Variants in NOS1AP observed in about 807,000 individuals in gnomAD.
NOS1AP encodes carboxyl-terminal PDZ ligand of neuronal nitric oxide synthase protein.
Under a neutral mutation model 56.2 loss-of-function variants are expected in NOS1AP, and 21 were observed. The observed-to-expected ratio is 0.37, with a 90% CI of 0.26 to 0.54. The LOEUF (loss-of-function observed/expected upper bound fraction) is 0.54, where lower values mean the gene tolerates loss of function less well. NOS1AP is among the 20% of genes least tolerant of loss of function. NOS1AP has a pLI of 0.84. For missense variants in NOS1AP, 522 were observed against 657.8 expected, an observed-to-expected ratio of 0.79 and a Z score of 2.26; for synonymous variants, 270 against 274.6, an observed-to-expected ratio of 0.98 and a Z score of 0.17.
intron 2 of NOS1AP, among the ~76,000 whole-genome samples, chr1:162,197,952 G>A (rs76923135): frequency 0.034 from 5,241 of 152,336 alleles, 132 homozygotes; most frequent in Non-Finnish European, 0.049. Flanking sequence ...AAGGAGGTAT[G>A]AGGAGGGCAG....
intron 1 of NOS1AP, among the ~76,000 whole-genome samples, chr1:162,071,024 A>T (rs1266051915): frequency 6.6e-6 from 1 of 152,144 alleles, no homozygotes; most frequent in Non-Finnish European, 1.5e-5. Flanking sequence ...CTGGACCATC[A>T]GGTGTGAGCA....
chr1:162,193,859 T>A (rs1180437478), intron 2 of NOS1AP, among the ~76,000 whole-genome samples: 1 of 152,164 alleles, frequency 6.6e-6, no homozygotes, highest in Non-Finnish European at 1.5e-5. Context: ...CATCTCTAGA[T>A]GGGTGTTTCT....
chr1:162,119,560 T>G (rs535689505), intron 1 of NOS1AP, among the ~76,000 whole-genome samples: 2 of 152,320 alleles, frequency 1.3e-5, no homozygotes, highest in South Asian at 4.2e-4. Context: ...GTACTGCTGC[T>G]ATTCTTTTTT....
intron 2 of NOS1AP, among the ~76,000 whole-genome samples, chr1:162,176,707 C>T (rs1651074621): frequency 6.6e-6 from 1 of 152,054 alleles, no homozygotes; most frequent in Non-Finnish European, 1.5e-5. Context: ...CAGGGTTTCA[C>T]CACATTGGCC....
chr1:162,185,466 A>T (rs1557824454), intron 2 of NOS1AP, among the ~76,000 whole-genome samples: 1 of 152,234 alleles, frequency 6.6e-6, no homozygotes, highest in Non-Finnish European at 1.5e-5. Flanking sequence ...CAATAATCTG[A>T]TGCCTTGAAG....
chr1:162,212,368 G>T (rs567993310), intron 2 of NOS1AP, among the ~76,000 whole-genome samples: 1 of 152,176 alleles, frequency 6.6e-6, no homozygotes, highest in Non-Finnish European at 1.5e-5. Flanking sequence ...TGGGTGCTGG[G>T]CTATAGTGGT....
chr1:162,255,132 G>C (rs1190369581), intron 2 of NOS1AP, among the ~76,000 whole-genome samples: 1 of 152,010 alleles, frequency 6.6e-6, no homozygotes, highest in East Asian at 1.9e-4. Context: ...TGCGGAGTCA[G>C]GAGAGTTAAT....
intron 2 of NOS1AP, among the ~76,000 whole-genome samples, chr1:162,271,188 T>C (rs1654573552): frequency 1.3e-5 from 2 of 150,606 alleles, no homozygotes; most frequent in Admixed American, 1.3e-4. Context: ...AACACCCCAG[T>C]ATGATCCTTA....
intron 1 of NOS1AP, among the ~76,000 whole-genome samples, chr1:162,081,667 C>A (rs892939720): frequency 1.3e-5 from 2 of 148,838 alleles, no homozygotes; most frequent in African/African-American, 4.9e-5. Context: ...CCCAGCTCAG[C>A]CTTTCAAGTA....
chr1:162,273,211 T>C (rs996850656), intron 2 of NOS1AP, among the ~76,000 whole-genome samples: 2 of 139,282 alleles, frequency 1.4e-5, no homozygotes, highest in African/African-American at 5.2e-5. Context: ...TAGCCCCGAC[T>C]GGAGTGCAGT....
chr1:162,071,152 G>A (rs974608102), intron 1 of NOS1AP, among the ~76,000 whole-genome samples: 1 of 152,148 alleles, frequency 6.6e-6, no homozygotes, highest in African/African-American at 2.4e-5. Context: ...ACAGTGTTCT[G>A]CTCTTCCTTC....
intron 2 of NOS1AP, among the ~76,000 whole-genome samples, chr1:162,215,865 C>T (rs1353058289): frequency 1.3e-5 from 2 of 152,236 alleles, no homozygotes; most frequent in African/African-American, 4.8e-5. Context: ...AATGATAACC[C>T]ATGATCTTAC....
At chr1:162,309,128 ATAGAG>A (rs1557872576) in intron 4 of NOS1AP, among the ~76,000 whole-genome samples, 1 of 152,268 alleles carries the variant, frequency 6.6e-6, no homozygotes, top group East Asian at 1.9e-4. Flanking sequence ...TGGGGATTTT[ATAGAG>A]CTATTCTGTG....
chr1:162,147,053 G>A (rs113961219), intron 1 of NOS1AP, among the ~76,000 whole-genome samples: 4,129 of 152,266 alleles, frequency 0.027, 90 homozygotes, highest in Non-Finnish European at 0.043. Flanking sequence ...TACAAGGCCG[G>A]GCGCGGTGGC....
At chr1:162,362,216 C>T (rs983842206) in intron 8 of NOS1AP, among the ~76,000 whole-genome samples, 7 of 152,194 alleles carry the variant, frequency 4.6e-5, no homozygotes, top group Middle Eastern at 3.4e-3. Context: ...TTTGGGAGGC[C>T]GAGGCAGGTG....
intron 4 of NOS1AP, among the ~76,000 whole-genome samples, chr1:162,330,101 A>C (rs541332405): frequency 6.6e-6 from 1 of 152,334 alleles, no homozygotes; most frequent in East Asian, 1.9e-4. Flanking sequence ...CTGCTGTATC[A>C]GTTTTAAATC....
intron 2 of NOS1AP, among the ~76,000 whole-genome samples, chr1:162,221,507 G>T (rs1652767926): frequency 1.4e-5 from 2 of 140,370 alleles, no homozygotes; most frequent in African/African-American, 2.7e-5. Flanking sequence ...TTTTTTTAAT[G>T]CAACACACAC....
At chr1:162,160,955 G>A (rs1650179493) in intron 2 of NOS1AP, among the ~76,000 whole-genome samples, 1 of 152,156 alleles carries the variant, frequency 6.6e-6, no homozygotes, top group South Asian at 2.1e-4. Context: ...TCTGTTCCTT[G>A]GCTTTTCCAG....
intron 2 of NOS1AP, among the ~76,000 whole-genome samples, chr1:162,250,506 T>C (rs1358690086): frequency 6.6e-6 from 1 of 152,098 alleles, no homozygotes; most frequent in East Asian, 1.9e-4. Flanking sequence ...TGGTTACATC[T>C]CCATTTAAGG....
Sources: allele counts gnomAD v4.1 joint callset (sites outside exome capture counted in the v4.1 genomes callset), GRCh38; gene constraint gnomAD v4.1.1; transcripts MANE v1.5; gene names NCBI Gene and HGNC (gene_info 2026-07-23, HGNC 2026-07-21).